Variants in CHL1 observed in about 807,000 individuals in gnomAD.
The protein encoded by CHL1 is cell adhesion molecule L1 like, also known as neural cell adhesion molecule L1-like protein.
Under a neutral mutation model 141.9 loss-of-function variants are expected in CHL1, and 96 were observed. The observed-to-expected ratio is 0.68, with a 90% confidence interval of 0.57 to 0.80. The LOEUF (loss-of-function observed/expected upper bound fraction) is 0.80. CHL1 is among the 30% of genes least tolerant of loss of function. The probability of loss-of-function intolerance (pLI) is 0.00; values close to 1 mark genes in which losing one functional copy is unlikely to be tolerated. For synonymous variants in CHL1, 613 were observed against 502.2 expected (o/e 1.22, Z -2.95); for missense variants, 1,820 against 1,457.2 (o/e 1.25, Z -4.05).
chr3:382,439 A>G (rs777735554), intron 17 of CHL1, 35 bp from the exon 18 acceptor site: 3 of 1,563,706 alleles, frequency 1.9e-6, no homozygotes, highest in Non-Finnish European at 2.6e-6. Context: ...CATACTCCAT[A>G]CATTCTAATA....
intron 10 of CHL1, among the ~76,000 whole-genome samples, chr3:349,958 C>T (rs1559294093): frequency 6.8e-6 from 1 of 146,494 alleles, no homozygotes; most frequent in East Asian, 2.1e-4. Context: ...GTGCCCTTTG[C>T]CATTTATTTC....
intron 26 of CHL1, among the ~76,000 whole-genome samples, chr3:400,509 A>T (rs938452776): frequency 2.6e-5 from 4 of 151,874 alleles, no homozygotes; most frequent in African/African-American, 9.7e-5. Flanking sequence ...TTCATATTGT[A>T]GAGCAACTAA....
rs1008970394 is a variant in CHL1, at chr3:403,148, C to T, written c.3458+1450C>T. Among the ~76,000 whole-genome samples, 6 of 152,182 alleles carry T rather than the reference C, an allele frequency of 3.9e-5. No homozygotes were observed. In the South Asian group the frequency reaches 6.2e-4, roughly 16 times the overall value. On this transcript the variant is annotated intron_variant, in intron 27 of 27. Transcript: ENST00000256509. ...GGCTGTTGAACTAAGGGCTTCTGTT[C>T]TTCACAGGCCAGAGGTCATTCCTAA...
chr3:217,970 T>C (rs1404408260), intron 1 of CHL1, among the ~76,000 whole-genome samples: 2 of 152,204 alleles, frequency 1.3e-5, no homozygotes, highest in Non-Finnish European at 2.9e-5. Flanking sequence ...GGGGATTTTA[T>C]GAGCAAGGCT....
At position 294,351 on chromosome 3, in the gene CHL1, G is replaced by A. The variant is rs79294474; in HGVS notation, c.-94-25332G>A. Among the ~76,000 whole-genome samples, 55 of 152,194 alleles carry A rather than the reference G, an allele frequency of 3.6e-4. 1 individual carries two copies. In the East Asian group the frequency reaches 9.1e-3, roughly 25 times the overall value. On this transcript the variant is annotated intron_variant, in intron 2 of 27. Transcript: ENST00000256509. The stretch of plus-strand genomic sequence containing the variant: ...AATAGGTACGTACATACCTACATAC[G>A]TACTAGAATCAAGGGGGTTGTTTCT...
chr3:261,964 C>T (rs1574895391), intron 2 of CHL1, among the ~76,000 whole-genome samples: 2 of 136,902 alleles, frequency 1.5e-5, no homozygotes, highest in South Asian at 4.8e-4. Context: ...AGGATTCACA[C>T]GTTTAAGCCT....
At chr3:202,336 G>T (rs1003681509) in intron 1 of CHL1, among the ~76,000 whole-genome samples, 1 of 152,322 alleles carries the variant, frequency 6.6e-6, no homozygotes, top group Non-Finnish European at 1.5e-5. Flanking sequence ...GTATCCCTGT[G>T]TATGTGAATA....
At chr3:252,351 A>G (rs1256548908) in intron 2 of CHL1, among the ~76,000 whole-genome samples, 6 of 116,184 alleles carry the variant, frequency 5.2e-5, no homozygotes, top group Non-Finnish European at 8.6e-5. Context: ...CAGATTTAAG[A>G]AAGCATCCAG....
intron 1 of CHL1, among the ~76,000 whole-genome samples, chr3:224,583 C>A (rs1484272281): frequency 6.6e-6 from 1 of 152,056 alleles, no homozygotes; most frequent in African/African-American, 2.4e-5. Context: ...CCTGCTCCAA[C>A]TTTGCCTTCT....
chr3:292,953 A>T lies in CHL1; in HGVS notation c.-94-26730A>T, dbSNP rs1208466136. On this transcript the variant is annotated intron_variant, in intron 2 of 27. Transcript: ENST00000256509. ...TTTCAACAGGAGATGTGGTTGAGAC[A>T]GATATCCAAGCTGTATCACCAAGTG... Among the ~76,000 whole-genome samples, 2 of 152,256 alleles carry T rather than the reference A, an allele frequency of 1.3e-5. 1 individual carries two copies. The highest frequency in any genetic ancestry group is 2.9e-5 in the Non-Finnish European group (2 of 68,048).
At chr3:246,159 G>A (rs996546826) in intron 2 of CHL1, among the ~76,000 whole-genome samples, 3 of 151,998 alleles carry the variant, frequency 2.0e-5, no homozygotes, top group African/African-American at 7.2e-5. Flanking sequence ...TAAATCTTCT[G>A]AGATAGTAAT....
chr3:305,452 G>A (rs1460635398), intron 2 of CHL1, among the ~76,000 whole-genome samples: 1 of 151,894 alleles, frequency 6.6e-6, no homozygotes, highest in Non-Finnish European at 1.5e-5. Flanking sequence ...AGTGACCTCT[G>A]CCCTATTATA....
intron 2 of CHL1, among the ~76,000 whole-genome samples, chr3:245,155 C>T (rs1318020644): frequency 7.2e-5 from 11 of 152,120 alleles, no homozygotes; most frequent in Admixed American, 7.2e-4. Context: ...GTCACTGTTC[C>T]TTGAATTTGA....
intron 5 of CHL1, among the ~76,000 whole-genome samples, chr3:334,994 G>A (rs963754050): frequency 9.2e-5 from 14 of 152,168 alleles, no homozygotes; most frequent in East Asian, 3.8e-4. Flanking sequence ...AATAGTCTAC[G>A]AAATGTCTGA....
intron 1 of CHL1, among the ~76,000 whole-genome samples, chr3:243,159 G>A (rs1214986614): frequency 6.6e-6 from 1 of 152,132 alleles, no homozygotes; most frequent in Non-Finnish European, 1.5e-5. Flanking sequence ...CTCAGCAAAT[G>A]GAACAGCAGG....
In CHL1 at chr3:324,912, T is replaced by C. The variant is rs1335717680; in HGVS notation, c.92-1047T>C. ...GCCCACTCCCTACTTTTTAAAATTGTGTTTGTCTTGTAGATTACTTATCAA... is the reference window on the plus strand; with the variant it reads ...GCCCACTCCCTACTTTTTAAAATTGCGTTTGTCTTGTAGATTACTTATCAA... On this transcript the variant is annotated intron_variant, in intron 3 of 27. Transcript: ENST00000256509. Among the ~76,000 whole-genome samples, 4 of 152,094 alleles carry C rather than the reference T, an allele frequency of 2.6e-5. No individual in the cohort carries two copies. In the East Asian group the frequency reaches 7.7e-4, roughly 29 times the overall value.
At chr3:301,065 A>T (rs886799333) in intron 2 of CHL1, among the ~76,000 whole-genome samples, 2 of 152,190 alleles carry the variant, frequency 1.3e-5, no homozygotes, top group Non-Finnish European at 2.9e-5. Flanking sequence ...CTGAGTAATG[A>T]CATGCCATTG....
intron 2 of CHL1, among the ~76,000 whole-genome samples, chr3:266,400 G>T (rs928599192): frequency 2.6e-5 from 4 of 152,128 alleles, no homozygotes; most frequent in African/African-American, 9.7e-5. Flanking sequence ...GTTAGAAGGG[G>T]GCTGGGGACT....
chr3:310,668 C>T lies in CHL1; in HGVS notation c.-94-9015C>T, dbSNP rs578161742. On this transcript the variant is annotated intron_variant, in intron 2 of 27. Coordinates refer to ENST00000256509, the MANE Select transcript of CHL1 (RefSeq NM_006614.4). ...TCATACTACCGGTTCTGCATATGCA[C>T]AGCCTCTCCGTTATCAACACCACCA... is the stretch of plus-strand genomic sequence containing the variant. Among the ~76,000 whole-genome samples the T allele has an allele frequency of 9.2e-5, 14 of 152,292 alleles. No homozygotes were observed. In the South Asian group the frequency reaches 2.7e-3, roughly 29 times the overall value.
Sources: gnomAD v4.1 joint callset for allele counts (sites outside exome capture counted in the v4.1 genomes callset) on GRCh38, gnomAD v4.1.1 for gene constraint, MANE v1.5 for transcripts, NCBI Gene and HGNC (gene_info 2026-07-23, HGNC 2026-07-21) for gene names.